Variants in STPG2 observed in about 807,000 individuals in gnomAD.
STPG2 encodes the protein sperm-tail PG-rich repeat-containing protein 2.
STPG2 carries 56 observed loss-of-function variants against 54.2 expected under a neutral mutation model. The ratio of observed to expected loss-of-function variants is 1.03; its 90% CI spans 0.83 to 1.29. STPG2 has a LOEUF of 1.29. Among genes scored for constraint, STPG2 ranks in the 50% most tolerant of loss-of-function variants. The probability of loss-of-function intolerance (pLI) is 0.00; values close to 1 mark genes in which losing one functional copy is unlikely to be tolerated. For missense variants in STPG2, 596 were observed against 544.9 expected (o/e 1.09, Z -0.93); for synonymous variants, 200 against 181.8 (o/e 1.10, Z -0.81).
intron 9 of STPG2, among the ~76,000 whole-genome samples, chr4:97,735,451 G>A (rs142059362): frequency 2.2e-4 from 33 of 151,446 alleles, no homozygotes; most frequent in Admixed American, 8.6e-4. Context: ...TAGGTACAAT[G>A]TACACTATTC....
At chr4:98,124,865 T>A (rs1739785794) in intron 3 of STPG2, among the ~76,000 whole-genome samples, 1 of 152,210 alleles carries the variant, frequency 6.6e-6, no homozygotes, top group Non-Finnish European at 1.5e-5. Context: ...TCAGAGGTTT[T>A]GTTCATTCCT....
intron 8 of STPG2, 92 bp downstream of exon 8, chr4:97,943,805 C>A: frequency 1.1e-6 from 1 of 914,040 alleles, no homozygotes; most frequent in South Asian, 1.9e-5. Context: ...CTACCAGTTA[C>A]CTCACTCAGG....
At chr4:97,906,274 G>T (rs1343833910) in intron 8 of STPG2, among the ~76,000 whole-genome samples, 1 of 152,170 alleles carries the variant, frequency 6.6e-6, no homozygotes, top group Non-Finnish European at 1.5e-5. Flanking sequence ...AGAAGAAATG[G>T]ATAAATTCCT....
At chr4:97,960,571 C>G (rs1016158107) in intron 7 of STPG2, among the ~76,000 whole-genome samples, 1 of 151,910 alleles carries the variant, frequency 6.6e-6, no homozygotes, top group African/African-American at 2.4e-5. Context: ...AGCTAAGAAT[C>G]AAATCAAGAA....
chr4:97,582,454 T>C (rs1732886398), intron 10 of STPG2, among the ~76,000 whole-genome samples: 1 of 152,068 alleles, frequency 6.6e-6, no homozygotes, highest in Non-Finnish European at 1.5e-5. Flanking sequence ...GATATTATCT[T>C]TATTATAATA....
intron 9 of STPG2, among the ~76,000 whole-genome samples, chr4:97,731,794 A>C (rs1161863773): frequency 6.6e-6 from 1 of 152,142 alleles, no homozygotes; most frequent in Non-Finnish European, 1.5e-5. Context: ...TCCCCACTTA[A>C]GCTGCATCTA....
intron 5 of STPG2, among the ~76,000 whole-genome samples, chr4:97,985,259 A>AAT (rs909577198): frequency 9.2e-5 from 14 of 152,132 alleles, no homozygotes; most frequent in African/African-American, 3.4e-4. Flanking sequence ...GAGGAATTAA[A>AAT]ATATATATAT....
intron 4 of STPG2, among the ~76,000 whole-genome samples, chr4:97,517,071 CTAATTTTTGTATTTTTAG>C (rs1731090251): frequency 6.6e-6 from 1 of 151,708 alleles, no homozygotes; most frequent in African/African-American, 2.4e-5. Context: ...CTATGCCTGG[CTAATTTTTGTATTTTTAG>C]TAAAGACAAC....
At chr4:97,918,529 G>T (rs1354053762) in intron 8 of STPG2, among the ~76,000 whole-genome samples, 1 of 151,500 alleles carries the variant, frequency 6.6e-6, no homozygotes, top group African/African-American at 2.4e-5. Flanking sequence ...TAAAAAACTA[G>T]TTTTTTAATT....
At chr4:97,798,237 T>C (rs1439263557) in intron 9 of STPG2, among the ~76,000 whole-genome samples, 1 of 152,202 alleles carries the variant, frequency 6.6e-6, no homozygotes, top group Non-Finnish European at 1.5e-5. Flanking sequence ...TTTGAATGTG[T>C]TTGCTCTTGC....
chr4:97,857,687 A>C (rs547338554), intron 8 of STPG2, among the ~76,000 whole-genome samples: 6 of 151,812 alleles, frequency 4.0e-5, no homozygotes, highest in Admixed American at 1.3e-4. Flanking sequence ...TCACCAAATA[A>C]ACAAAACAAG....
At chr4:97,856,125 G>C (rs1034924256) in intron 8 of STPG2, among the ~76,000 whole-genome samples, 1 of 152,100 alleles carries the variant, frequency 6.6e-6, no homozygotes, top group Non-Finnish European at 1.5e-5. Context: ...TGTTCTTTCT[G>C]CTTAGGATTT....
chr4:97,442,115 A>T (rs1729101144), intron 4 of STPG2, among the ~76,000 whole-genome samples: 1 of 151,990 alleles, frequency 6.6e-6, no homozygotes, highest in Admixed American at 6.6e-5. Flanking sequence ...GTTGATGTCC[A>T]TTATGACTAG....
At chr4:97,777,835 C>A (rs1369165653) in intron 9 of STPG2, among the ~76,000 whole-genome samples, 1 of 152,160 alleles carries the variant, frequency 6.6e-6, no homozygotes, top group Non-Finnish European at 1.5e-5. Context: ...AACCATTCTA[C>A]TTTATTTCTC....
rs190557873 is a variant in STPG2 at position 98,104,542 on chromosome 4, G to A, written c.612+1411C>T. On this transcript the variant is annotated intron_variant, in intron 5 of 10. Transcript: ENST00000295268. ...ACAAATCTTCAATTTTAAGCAAAGC[G>A]TTTATTTTATATTATACTAAATATG... Among the ~76,000 whole-genome samples the A allele has an allele frequency of 6.6e-5, 10 of 152,036 alleles. No individual in the cohort carries two copies. The East Asian group carries it at 1.4e-3, about 21-fold the overall frequency.
chr4:97,755,188 T>C (rs963027598), intron 9 of STPG2, among the ~76,000 whole-genome samples: 1 of 152,206 alleles, frequency 6.6e-6, no homozygotes, highest in African/African-American at 2.4e-5. Flanking sequence ...TCTTTAATTA[T>C]ATTTTGTCAG....
intron 8 of STPG2, among the ~76,000 whole-genome samples, chr4:97,895,669 A>G (rs1395811433): frequency 6.6e-6 from 1 of 151,806 alleles, no homozygotes; most frequent in Admixed American, 6.6e-5. Flanking sequence ...AAGTTCTTCT[A>G]ATAAAATCCC....
intron 5 of STPG2, among the ~76,000 whole-genome samples, chr4:98,054,145 G>A (rs771552062): frequency 1.5e-4 from 23 of 151,994 alleles, no homozygotes; most frequent in Non-Finnish European, 2.5e-4. Flanking sequence ...AACAGCTTAG[G>A]TCATGCTCCA....
At chr4:97,636,826 G>A (rs940452945) in intron 10 of STPG2, among the ~76,000 whole-genome samples, 2 of 151,402 alleles carry the variant, frequency 1.3e-5, no homozygotes, top group Admixed American at 6.6e-5. Context: ...CCAATAACAG[G>A]ATCTGAAATT....
Sources: gnomAD v4.1 joint callset for allele counts (sites outside exome capture counted in the v4.1 genomes callset) on GRCh38, gnomAD v4.1.1 for gene constraint, MANE v1.5 for transcripts, NCBI Gene and HGNC (gene_info 2026-07-23, HGNC 2026-07-21) for gene names.